The following AHRR variants were observed in gnomAD, a reference collection of about 807,000 sequenced individuals.
AHRR encodes ahR repressor.
In AHRR, 28 loss-of-function variants were observed where a neutral mutation model predicts 44.0. The ratio of observed to expected loss-of-function variants is 0.64; its 90% CI spans 0.47 to 0.87. The LOEUF is 0.87. AHRR is among the 40% of genes least tolerant of loss of function. The pLI is 0.00. For synonymous variants in AHRR, 434 were observed against 407.0 expected, an observed-to-expected ratio of 1.07 and a Z score of -0.80; for missense variants, 990 against 953.9, an observed-to-expected ratio of 1.04 and a Z score of -0.50.
chr5:322,376 G>A (rs576525100), intron 1 of AHRR, among the ~76,000 whole-genome samples: 15 of 152,264 alleles, frequency 9.9e-5, no homozygotes, highest in East Asian at 1.9e-4. Flanking sequence ...TGACAGGCAG[G>A]GGCCACCCTC....
In AHRR at chr5:370,175, G is replaced by A. The variant is rs1452216955; in HGVS notation, c.245-6435G>A. 5.1e-5 allele frequency among the ~76,000 whole-genome samples: 4 copies of A among 78,094 alleles called. No individual in the cohort carries two copies. Among genetic ancestry groups the A allele is most frequent in the Admixed American group, 2.5e-4 (2 of 8,058 alleles). The allele number at this position is 78,094 out of a possible 152,430, so 51.2% of individuals were successfully genotyped here. On this transcript the variant is annotated intron_variant, in intron 3 of 10. Transcript: ENST00000684583. The surrounding 1 kb of genome is among the most constrained non-coding windows in gnomAD (Gnocchi z 4.5). ...CTCCCGGGCCCTCGCTGGAAGCCCCGTCCTCCCGGGCCCTCGCTGGTGCCC... is the reference window on the plus strand; with the variant it reads ...CTCCCGGGCCCTCGCTGGAAGCCCCATCCTCCCGGGCCCTCGCTGGTGCCC...
chr5:339,693 C>T (rs984300417), intron 1 of AHRR, among the ~76,000 whole-genome samples: 4 of 151,894 alleles, frequency 2.6e-5, no homozygotes, highest in African/African-American at 7.3e-5. Context: ...TTCTTTATCA[C>T]GTTAATTAAG....
chr5:413,235 G>T, intron 4 of AHRR, 109 bp from the exon 5 acceptor site: 1 of 721,780 alleles, frequency 1.4e-6, no homozygotes, highest in Non-Finnish European at 2.3e-6. Context: ...TATGAATATG[G>T]ACTACAAAAC....
chr5:339,706 T>A (rs1030297447), intron 1 of AHRR, among the ~76,000 whole-genome samples: 17 of 152,224 alleles, frequency 1.1e-4, no homozygotes, highest in Admixed American at 6.5e-5. Context: ...TAATTAAGTT[T>A]CCTTCTGTTC....
intron 3 of AHRR, chr5:367,713 G>C: frequency 1.6e-6 from 1 of 633,256 alleles, no homozygotes; most frequent in Non-Finnish European, 2.9e-6. Flanking sequence ...CTGCCCCTCT[G>C]CCCTGACACC....
intron 1 of AHRR, among the ~76,000 whole-genome samples, chr5:336,987 C>G (rs1282734863): frequency 2.0e-5 from 3 of 152,154 alleles, no homozygotes; most frequent in African/African-American, 7.2e-5. Flanking sequence ...CCCTGCTGAA[C>G]AGCCTTGGTG....
intron 2 of AHRR, among the ~76,000 whole-genome samples, chr5:346,919 G>A (rs1742699123): frequency 6.6e-6 from 1 of 152,168 alleles, no homozygotes; most frequent in African/African-American, 2.4e-5. Flanking sequence ...AAACAGGAAC[G>A]AGTTGTTAGC....
rs1004247595 is a variant in AHRR, at chr5:411,385, G to A, written c.352-1959G>A. ...GCTGCACCTGTTCTTACCATTCTCC[G>A]TCATTTTGTGGAATGTTGTGGGGGA... On this transcript the variant is annotated intron_variant, in intron 4 of 10. Coordinates refer to ENST00000684583, the MANE Select transcript of AHRR (RefSeq NM_001377236.1). This position sits in a 1 kb window ranked among gnomAD's most constrained non-coding sequence, Gnocchi z 4.2. Among the ~76,000 whole-genome samples, 17 of 151,808 alleles carry A rather than the reference G, an allele frequency of 1.1e-4. No individual in the cohort carries two copies. The highest frequency in any genetic ancestry group is 2.1e-4 in the Non-Finnish European group (14 of 67,990).
At chr5:346,593 C>CG (rs1383950739) in intron 2 of AHRR, among the ~76,000 whole-genome samples, 3 of 152,220 alleles carry the variant, frequency 2.0e-5, no homozygotes, top group African/African-American at 7.2e-5. Context: ...CGCCCACCCC[C>CG]GGGGGACCCA....
chr5:382,863 A>AT (rs1274058273), intron 4 of AHRR, among the ~76,000 whole-genome samples: 2 of 152,056 alleles, frequency 1.3e-5, no homozygotes, highest in African/African-American at 4.8e-5. Context: ...TAAATCACTG[A>AT]TTTTTTTAAC....
In AHRR at chr5:338,527, G is replaced by C. The variant is rs1742220438; in HGVS notation, c.-10-5366G>C. Among the ~76,000 whole-genome samples, 1 of 151,998 alleles carries C rather than the reference G, an allele frequency of 6.6e-6. No individual in the cohort carries two copies. The highest frequency in any genetic ancestry group is 2.4e-5 in the African/African-American group (1 of 41,336). ...TCTTATTTTTGATCCTTTGTACCCAGTGCCTATTTTCTCTGGCTTTTAATA... is the reference window on the plus strand; with the variant it reads ...TCTTATTTTTGATCCTTTGTACCCACTGCCTATTTTCTCTGGCTTTTAATA... On this transcript the variant is annotated intron_variant, in intron 1 of 10. Transcript: ENST00000684583. The surrounding 1 kb of genome is among the most constrained non-coding windows in gnomAD (Gnocchi z 4.1).
chr5:376,544 G>GAGAA (rs1733679976), intron 3 of AHRR, 66 bp from the exon 4 acceptor site: 7 of 1,405,560 alleles, frequency 5.0e-6, no homozygotes, highest in Admixed American at 2.3e-5. Flanking sequence ...CAGGAAAGAT[G>GAGAA]TGAATGAAGA....
chr5:368,473 C>G (rs1439331499), intron 3 of AHRR, among the ~76,000 whole-genome samples: 1 of 152,230 alleles, frequency 6.6e-6, no homozygotes, highest in Non-Finnish European at 1.5e-5. Flanking sequence ...TTTCTTGAAC[C>G]CTTGGCTTGT....
intron 5 of AHRR, among the ~76,000 whole-genome samples, chr5:415,608 G>GTCTGC (rs1735741535): frequency 3.6e-5 from 5 of 139,156 alleles, no homozygotes; most frequent in South Asian, 2.1e-4. Context: ...AATCTGCCTG[G>GTCTGC]TGGGGCGGGA....
At chr5:389,118 C>T (rs1734295505) in intron 4 of AHRR, among the ~76,000 whole-genome samples, 1 of 150,350 alleles carries the variant, frequency 6.7e-6, no homozygotes, top group Non-Finnish European at 1.5e-5. Flanking sequence ...CCAGCCGCCC[C>T]ATGAGCCAGG....
At chr5:416,539 G>A (rs1735822327) in intron 5 of AHRR, among the ~76,000 whole-genome samples, 1 of 152,238 alleles carries the variant, frequency 6.6e-6, no homozygotes, top group Non-Finnish European at 1.5e-5. Context: ...CGCCCTGTGA[G>A]AGGGGACCTG....
chr5:324,387 G>A (rs996945391), intron 1 of AHRR, among the ~76,000 whole-genome samples: 7 of 150,886 alleles, frequency 4.6e-5, no homozygotes, highest in African/African-American at 1.2e-4. Flanking sequence ...GTTTCAATGC[G>A]ATGAGTTATA....
At chr5:329,246 AG>A (rs1177338727) in intron 1 of AHRR, among the ~76,000 whole-genome samples, 2 of 152,048 alleles carry the variant, frequency 1.3e-5, no homozygotes, top group African/African-American at 4.8e-5. Flanking sequence ...TTTGTCACCC[AG>A]GCTAGAGTGC....
At chr5:335,806 G>A (rs1266018754) in intron 1 of AHRR, among the ~76,000 whole-genome samples, 4 of 152,234 alleles carry the variant, frequency 2.6e-5, no homozygotes, top group Non-Finnish European at 5.9e-5. Flanking sequence ...TGCCTGGCCC[G>A]CAACTCAGCT....
Sources: allele counts gnomAD v4.1 joint callset (sites outside exome capture counted in the v4.1 genomes callset), GRCh38; gene constraint gnomAD v4.1.1; non-coding constraint Gnocchi (gnomAD v3.1); transcripts MANE v1.5; gene names NCBI Gene and HGNC (gene_info 2026-07-23, HGNC 2026-07-21).